ATP2B1: variants seen among roughly 807,000 people sequenced by gnomAD.
ATP2B1 encodes ATPase plasma membrane Ca2+ transporting 1.
ATP2B1 carries 14 observed loss-of-function variants against 124.2 expected under a neutral mutation model. That is an observed-to-expected ratio of 0.11 (90% CI 0.07 to 0.18). The LOEUF is 0.18. Among genes scored for constraint, ATP2B1 ranks in the 10% least tolerant of loss-of-function variants. The pLI, the probability that ATP2B1 is intolerant of heterozygous loss-of-function variation, is 1.00. For synonymous variants in ATP2B1, 449 were observed against 492.4 expected (o/e 0.91, Z 1.17); for missense variants, 763 against 1,466.1 (o/e 0.52, Z 7.83).
intron 9 of ATP2B1, among the ~76,000 whole-genome samples, chr12:89,622,167 T>C (rs1270180547): frequency 3.9e-5 from 6 of 152,162 alleles, no homozygotes; most frequent in Middle Eastern, 3.4e-3. Context: ...GTGGTACTTA[T>C]AGTAGTGTAA....
intron 20 of ATP2B1, among the ~76,000 whole-genome samples, chr12:89,592,978 G>A (rs893675953): frequency 6.6e-6 from 1 of 151,992 alleles, no homozygotes; most frequent in Admixed American, 6.6e-5. Flanking sequence ...TTAATGTCTT[G>A]CAGCTTTACC....
chr12:89,591,387 G>T, intron 20 of ATP2B1, 92 bp from the exon 21 acceptor site: 1 of 1,104,012 alleles, frequency 9.1e-7, no homozygotes. Context: ...AAACAGCTAG[G>T]TATGAGTGAA....
intron 11 of ATP2B1, among the ~76,000 whole-genome samples, chr12:89,618,820 TTTATA>T (rs1879453781): frequency 6.6e-6 from 1 of 152,256 alleles, no homozygotes; most frequent in Non-Finnish European, 1.5e-5. Flanking sequence ...CAGTTATTTA[TTTATA>T]TATTTGTCTC....
At position 89,610,493 on chromosome 12, in the gene ATP2B1, T is replaced by A; in HGVS notation, c.2263A>T (p.Ile755Leu). The change falls in exon 14 of 21, where the codon ATA (isoleucine) becomes TTA (leucine). Residue 755 changes from isoleucine (I) to leucine (L), a missense_variant. This residue lies in a region of ATP2B1 where 51 missense variants were observed against 192.8 expected (regional missense o/e 0.26). Transcript: ENST00000428670. ...CGAAGTTTTGGCCAAATCTTGTCTA[T>A]CCTCTCTTGCTCAATCTATAAGTGT... ...NEKGEIEQER[I>L]DKIWPKLRVL... 6.2e-7 allele frequency: 1 copy of A among 1,613,586 alleles called. No homozygotes were observed. The highest frequency in any genetic ancestry group is 8.5e-7 in the Non-Finnish European group (1 of 1,179,582).
chr12:89,700,880 T>G (rs1476310075), intron 1 of ATP2B1, among the ~76,000 whole-genome samples: 2 of 152,264 alleles, frequency 1.3e-5, no homozygotes, highest in Non-Finnish European at 2.9e-5. Flanking sequence ...AGGTCTCAGC[T>G]GTGCTAATCA....
At chr12:89,646,344 T>C (rs1382760168) in intron 2 of ATP2B1, among the ~76,000 whole-genome samples, 1 of 152,032 alleles carries the variant, frequency 6.6e-6, no homozygotes, top group Non-Finnish European at 1.5e-5. Flanking sequence ...ACAAGCCCAA[T>C]GAGAGCTCTC....
intron 20 of ATP2B1, among the ~76,000 whole-genome samples, 178 bp from the exon 21 acceptor site, chr12:89,591,473 C>T (rs558934453): frequency 4.6e-5 from 7 of 151,862 alleles, no homozygotes; most frequent in African/African-American, 1.4e-4. Context: ...CACTACAGAA[C>T]AACAAAACCA....
intron 9 of ATP2B1, among the ~76,000 whole-genome samples, chr12:89,622,287 T>C (rs934503765): frequency 1.1e-5 from 1 of 90,232 alleles, no homozygotes; most frequent in Non-Finnish European, 2.2e-5. Context: ...CTTGTGGGTA[T>C]GTAGTTGCTT....
intron 12 of ATP2B1, among the ~76,000 whole-genome samples, chr12:89,614,862 G>A (rs1199279178): frequency 6.6e-6 from 1 of 152,018 alleles, no homozygotes; most frequent in African/African-American, 2.4e-5. Flanking sequence ...TGCCACAACT[G>A]TGGGCCAAGC....
At chr12:89,601,164 G>C (rs1177931706) in intron 19 of ATP2B1, among the ~76,000 whole-genome samples, 162 bp downstream of exon 19, 1 of 151,914 alleles carries the variant, frequency 6.6e-6, no homozygotes, top group African/African-American at 2.4e-5. Flanking sequence ...GTGACATACT[G>C]GAACTAATAC....
rs752167578 is a variant in ATP2B1, at chr12:89,599,299, G to A, written c.3169C>T (p.Leu1057Phe). 1 of 1,613,806 alleles carries A rather than the reference G, an allele frequency of 6.2e-7. No individual in the cohort carries two copies. Among genetic ancestry groups the A allele is most frequent in the Non-Finnish European group, 8.5e-7 (1 of 1,179,794 alleles). Residue 1057 changes from leucine to phenylalanine, a missense_variant and splice_region_variant, in exon 20 of 21, where the codon CTT becomes TTT. Leu to Phe is a conservative substitution (Grantham distance 22). Around this residue, in one of 7 missense-constraint regions of ATP2B1, gnomAD observed 118 missense variants for 240.3 expected, o/e 0.49. Transcript: ENST00000428670. ...LGMGTLLWGQ[L>F]ISTIPTSRLK... is the part of the protein sequence containing the mutation. ...CGGCTAGTTGGAATTGTTGAAATAA[G>A]CTACAACACAGGGGAATGAACTTAG...
chr12:89,648,023 T>G (rs574928807), intron 2 of ATP2B1, among the ~76,000 whole-genome samples: 1 of 152,346 alleles, frequency 6.6e-6, no homozygotes, highest in African/African-American at 2.4e-5. Context: ...CGCAGAATTG[T>G]GAGCCCATTA....
At position 89,648,836 on chromosome 12, in the gene ATP2B1, G is replaced by C. The variant is rs141922348; in HGVS notation, c.209-6481C>G. Among the ~76,000 whole-genome samples, 227 of 152,394 alleles carry C rather than the reference G, an allele frequency of 1.5e-3. 1 individual carries two copies. The highest frequency in any genetic ancestry group is 5.2e-3 in the African/African-American group (216 of 41,602). ...GCCCAGGGTGCAGCTGTCCTGCTCA[G>C]CTTCAGGAGACTGCTCCCTGCATCC... On this transcript the variant is annotated intron_variant, in intron 2 of 20. Transcript: ENST00000428670.
intron 2 of ATP2B1, among the ~76,000 whole-genome samples, chr12:89,651,106 T>C (rs973316323): frequency 2.6e-5 from 4 of 152,236 alleles, no homozygotes; most frequent in Non-Finnish European, 5.9e-5. Context: ...GGAGTTAGGA[T>C]GGTTAATCAG....
At chr12:89,616,553 C>A in intron 12 of ATP2B1, among the ~76,000 whole-genome samples, 1 of 151,934 alleles carries the variant, frequency 6.6e-6, no homozygotes, top group Admixed American at 6.6e-5. Flanking sequence ...AAAATTCTAC[C>A]CACTTCAAGG....
At chr12:89,657,673 C>T (rs1226510164) in intron 1 of ATP2B1, among the ~76,000 whole-genome samples, 1 of 152,216 alleles carries the variant, frequency 6.6e-6, no homozygotes, top group Non-Finnish European at 1.5e-5. Flanking sequence ...CTGGGCCCCA[C>T]ACCTCAAGCA....
Position 89,591,178 on chromosome 12 carries a change from G to A in ATP2B1, c.3469C>T (p.Pro1157Ser). 1.2e-6 allele frequency: 2 copies of A among 1,613,214 alleles called. No homozygotes were observed. The highest frequency in any genetic ancestry group is 1.7e-6 in the Non-Finnish European group (2 of 1,179,384). The change falls in exon 21 of 21, where the codon CCT becomes TCT. Residue 1157 changes from proline (P) to serine (S), a missense_variant. Pro to Ser is a moderately conservative substitution (Grantham distance 74, BLOSUM62 -1). Around this residue, in one of 7 missense-constraint regions of ATP2B1, gnomAD observed 97 missense variants for 94.7 expected, o/e 1.02. Coordinates refer to ENST00000428670, the MANE Select transcript of ATP2B1 (RefSeq NM_001366521.1). ...HPEFRIEDSE[P>S]HIPLIDDTDA... Reference sequence around the variant, plus strand: ...GTGTCATCAATAAGGGGGATATGAGGCTCTGAATCTTCTATCCTAAACTCA... The same window carrying A: ...GTGTCATCAATAAGGGGGATATGAGACTCTGAATCTTCTATCCTAAACTCA...
intron 1 of ATP2B1, among the ~76,000 whole-genome samples, chr12:89,661,421 T>C (rs1396046553): frequency 6.6e-6 from 1 of 152,194 alleles, no homozygotes; most frequent in African/African-American, 2.4e-5. Context: ...CAATAGTTCA[T>C]TTTATGGCCA....
intron 1 of ATP2B1, among the ~76,000 whole-genome samples, chr12:89,694,468 G>A (rs986266853): frequency 6.6e-6 from 1 of 152,074 alleles, no homozygotes; most frequent in Non-Finnish European, 1.5e-5. Context: ...GGGGTTACCT[G>A]GTATCAAATA....
Sources: gnomAD v4.1 joint callset for allele counts (sites outside exome capture counted in the v4.1 genomes callset) on GRCh38, gnomAD v4.1.1 for gene constraint, gnomAD v4.1.1 regional missense constraint, MANE v1.5 for transcripts, NCBI Gene and HGNC (gene_info 2026-07-23, HGNC 2026-07-21) for gene names.